Variants in MDGA2 observed in about 807,000 individuals in gnomAD.
MDGA2 encodes MAM domain containing glycosylphosphatidylinositol anchor 2.
MDGA2 carries 40 observed loss-of-function variants against 117.8 expected under a neutral mutation model. The ratio of observed to expected loss-of-function variants is 0.34; its 90% confidence interval spans 0.26 to 0.44. The LOEUF is 0.44. Among genes scored for constraint, MDGA2 ranks in the 20% least tolerant of loss-of-function variants. MDGA2 has a pLI of 1.00. For synonymous variants in MDGA2, 452 were observed against 439.0 expected, an observed-to-expected ratio of 1.03 and a Z score of -0.37; for missense variants, 1,123 against 1,250.6, an observed-to-expected ratio of 0.90 and a Z score of 1.54.
At chr14:47,012,244 T>C (rs965570684) in intron 8 of MDGA2, among the ~76,000 whole-genome samples, 18 of 152,162 alleles carry the variant, frequency 1.2e-4, no homozygotes, top group Non-Finnish European at 2.1e-4. Flanking sequence ...TAAAATGATT[T>C]GACTTGTCTG....
chr14:47,164,736 C>A (rs1388085289), intron 3 of MDGA2, among the ~76,000 whole-genome samples: 3 of 152,190 alleles, frequency 2.0e-5, no homozygotes, highest in Non-Finnish European at 4.4e-5. Flanking sequence ...TTTGACCCAG[C>A]CATCCCATTA....
rs184656595 is a variant in MDGA2 at position 47,171,821 on chromosome 14, C to A, written c.596-27547G>T. Among the ~76,000 whole-genome samples the A allele has an allele frequency of 4.4e-4, 67 of 152,234 alleles. 1 individual carries two copies. The highest frequency in any genetic ancestry group is 1.5e-3 in the African/African-American group (64 of 41,556). ...AGGACAGTGGGTGCAGCACACCATGCGCGAGCTGAAGCAGGGCGAGGCATT... is the reference window on the plus strand; with the variant it reads ...AGGACAGTGGGTGCAGCACACCATGAGCGAGCTGAAGCAGGGCGAGGCATT... On this transcript the variant is annotated intron_variant, in intron 3 of 16. Coordinates refer to ENST00000399232, the MANE Select transcript of MDGA2 (RefSeq NM_001113498.3).
chr14:47,470,921 C>T (rs1299389486), intron 1 of MDGA2, among the ~76,000 whole-genome samples: 2 of 152,044 alleles, frequency 1.3e-5, no homozygotes, highest in Non-Finnish European at 2.9e-5. Flanking sequence ...AGGAAATTAT[C>T]AGGGAGTGAA....
intron 2 of MDGA2, among the ~76,000 whole-genome samples, chr14:47,295,150 A>G (rs1313434380): frequency 6.6e-6 from 1 of 152,202 alleles, no homozygotes; most frequent in Non-Finnish European, 1.5e-5. Flanking sequence ...AATATTATTC[A>G]AATGAAATCT....
At chr14:46,897,748 G>A (rs1595029664) in intron 10 of MDGA2, among the ~76,000 whole-genome samples, 1 of 148,418 alleles carries the variant, frequency 6.7e-6, no homozygotes, top group Admixed American at 6.9e-5. Flanking sequence ...ATTGGTACAT[G>A]TGTAGAAAGA....
chr14:47,344,467 G>A (rs1347519573), intron 1 of MDGA2, among the ~76,000 whole-genome samples: 2 of 152,102 alleles, frequency 1.3e-5, no homozygotes, highest in Non-Finnish European at 2.9e-5. Context: ...AAGAATGTGA[G>A]CTTCTCAAAT....
chr14:46,975,424 A>G (rs980318826), intron 8 of MDGA2, among the ~76,000 whole-genome samples: 3 of 152,230 alleles, frequency 2.0e-5, no homozygotes, highest in Admixed American at 1.3e-4. Context: ...ACAACACCTA[A>G]AAGATGGGAT....
Position 47,180,210 on chromosome 14 carries a change from A to T in MDGA2, c.596-35936T>A, listed in dbSNP as rs550316777. Among the ~76,000 whole-genome samples, 35 of 152,018 alleles carry T rather than the reference A, an allele frequency of 2.3e-4. 1 individual carries two copies. The highest frequency in any genetic ancestry group is 8.2e-4 in the African/African-American group (34 of 41,410). On this transcript the variant is annotated intron_variant, in intron 3 of 16. Coordinates refer to ENST00000399232, the MANE Select transcript of MDGA2 (RefSeq NM_001113498.3). ...ACCCTCTGGCCTCTGTTAGGCCCCA[A>T]TGTATGTTGTTCCCCTCTAAGCATC...
At chr14:47,106,829 G>A (rs1354274592) in intron 5 of MDGA2, among the ~76,000 whole-genome samples, 1 of 142,212 alleles carries the variant, frequency 7.0e-6, no homozygotes, top group Non-Finnish European at 1.6e-5. Flanking sequence ...ACTGTTGTGG[G>A]TATTGACGGC....
chr14:47,157,821 C>T (rs956302166), intron 3 of MDGA2, among the ~76,000 whole-genome samples: 1 of 151,912 alleles, frequency 6.6e-6, no homozygotes, highest in Admixed American at 6.5e-5. Flanking sequence ...GGCTCCCCCC[C>T]TCACTCAGCT....
intron 1 of MDGA2, among the ~76,000 whole-genome samples, chr14:47,302,864 C>T (rs1889327557): frequency 6.6e-6 from 1 of 152,028 alleles, no homozygotes; most frequent in South Asian, 2.1e-4. Flanking sequence ...CAGGCAGAAA[C>T]TGGAAGATGG....
intron 8 of MDGA2, among the ~76,000 whole-genome samples, chr14:47,026,826 A>G (rs960425968): frequency 4.6e-5 from 7 of 152,098 alleles, no homozygotes; most frequent in African/African-American, 1.7e-4. Context: ...AAAGCAAAAA[A>G]GGGAGGAAAG....
At chr14:47,455,652 T>C (rs1893333935) in intron 1 of MDGA2, among the ~76,000 whole-genome samples, 1 of 152,140 alleles carries the variant, frequency 6.6e-6, no homozygotes. Context: ...AGTAGTTTTG[T>C]TTGGTTTTCA....
At chr14:47,105,320 TCCCTTATTTCTGTGCCCCAAC>T (rs1454255996) in intron 5 of MDGA2, among the ~76,000 whole-genome samples, 1 of 151,850 alleles carries the variant, frequency 6.6e-6, no homozygotes, top group Non-Finnish European at 1.5e-5. Context: ...TGTGCCCCAA[TCCCTTATTTCTGTGCCCCAAC>T]CCCTTCTCTG....
intron 4 of MDGA2, among the ~76,000 whole-genome samples, chr14:47,142,319 C>G (rs1293214001): frequency 9.2e-5 from 14 of 152,106 alleles, no homozygotes; most frequent in Non-Finnish European, 1.5e-5. Context: ...TGGCAGGTGC[C>G]TGTAATCCCA....
At chr14:47,247,538 A>G (rs1887285634) in intron 2 of MDGA2, among the ~76,000 whole-genome samples, 1 of 151,358 alleles carries the variant, frequency 6.6e-6, no homozygotes, top group Admixed American at 6.6e-5. Flanking sequence ...CCTGACCTCA[A>G]ATGATCTGCC....
rs181223047 is a variant in MDGA2, at chr14:47,471,413, A to G, written c.281-169863T>C. Among the ~76,000 whole-genome samples, 293 of 152,272 alleles carry G rather than the reference A, an allele frequency of 1.9e-3. 3 individuals carry two copies. The highest frequency in any genetic ancestry group is 6.8e-3 in the African/African-American group (283 of 41,566). Reference sequence around the variant, plus strand: ...GATTAAACTAGTTACACATGTTTTAAAATCAAGTAAATCAAAACGTGGAAG... The same window carrying G: ...GATTAAACTAGTTACACATGTTTTAGAATCAAGTAAATCAAAACGTGGAAG... On this transcript the variant is annotated intron_variant, in intron 1 of 16. Coordinates refer to ENST00000399232, the MANE Select transcript of MDGA2 (RefSeq NM_001113498.3).
intron 1 of MDGA2, among the ~76,000 whole-genome samples, chr14:47,404,626 C>T (rs1320295563): frequency 2.6e-5 from 4 of 152,100 alleles, no homozygotes; most frequent in Admixed American, 6.6e-5. Context: ...TTCTAAGAAG[C>T]TGAGACTATA....
chr14:47,614,265 T>C (rs1896909546), intron 1 of MDGA2, among the ~76,000 whole-genome samples: 1 of 152,030 alleles, frequency 6.6e-6, no homozygotes, highest in South Asian at 2.1e-4. Context: ...AATTTTTTTA[T>C]TTTTTGAAGA....
Sources: gnomAD v4.1 joint callset for allele counts (sites outside exome capture counted in the v4.1 genomes callset) on GRCh38, gnomAD v4.1.1 for gene constraint, MANE v1.5 for transcripts, NCBI Gene and HGNC (gene_info 2026-07-23, HGNC 2026-07-21) for gene names.